Variants in RICTOR observed in about 807,000 individuals in gnomAD.
RICTOR encodes the protein RPTOR independent companion of MTOR complex 2, also known as rapamycin-insensitive companion of mTOR.
RICTOR carries 49 observed loss-of-function variants against 214.9 expected under a neutral mutation model. The ratio of observed to expected loss-of-function variants is 0.23; its 90% CI spans 0.18 to 0.29. RICTOR has a LOEUF of 0.29. Ranked by LOEUF, RICTOR falls within the 10% of genes least tolerant of loss-of-function variation. The pLI, the probability that RICTOR is intolerant of heterozygous loss-of-function variation, is 1.00. For synonymous variants in RICTOR, 717 were observed against 711.3 expected, an observed-to-expected ratio of 1.01 and a Z score of -0.13; for missense variants, 1,625 against 2,047.0, an observed-to-expected ratio of 0.79 and a Z score of 3.98.
chr5:38,965,849 A>T (rs1196147481), intron 15 of RICTOR, among the ~76,000 whole-genome samples: 1 of 152,168 alleles, frequency 6.6e-6, no homozygotes, highest in African/African-American at 2.4e-5. Context: ...AACAAAAAAC[A>T]TCTGCTAAAA....
Position 38,938,392 on chromosome 5 carries a change from AT to A in RICTOR, c.*3911del, listed in dbSNP as rs993886877. The stretch of plus-strand genomic sequence containing the variant: ...TATTTTTGTAACAATTACCTATAAA[AT>A]TTTTTTCACTCCCCCTCTCTGCCCC... On this transcript the variant is annotated 3_prime_UTR_variant, in exon 38 of 38. Transcript: ENST00000357387. 7 of 230,442 alleles carry A rather than the reference AT, an allele frequency of 3.0e-5. No individual in the cohort carries two copies. The highest frequency in any genetic ancestry group is 5.2e-5 in the Non-Finnish European group (6 of 116,238). The allele number at this position is 230,442 out of a possible 1,614,324, so 14.3% of individuals were successfully genotyped here. A position where few individuals can be genotyped will look rare whatever the true frequency, so the allele number is the denominator to read the frequency against.
intron 3 of RICTOR, among the ~76,000 whole-genome samples, chr5:39,013,285 C>G (rs777054946): frequency 6.6e-6 from 1 of 152,070 alleles, no homozygotes; most frequent in East Asian, 1.9e-4. Flanking sequence ...TACTATTATA[C>G]AAATCTTATT....
Position 39,051,042 on chromosome 5 carries a change from T to TACACACAC in RICTOR, c.97+23061_97+23068dup, listed in dbSNP as rs111723153. On this transcript the variant is annotated intron_variant, in intron 2 of 37. Transcript: ENST00000357387. ...CTTTCTCTCTCCCCATACATATATA[T>TACACACAC]ACACACACACACACACACACACGCA... is the stretch of plus-strand genomic sequence containing the variant. Among the ~76,000 whole-genome samples the TACACACAC allele has an allele frequency of 8.0e-3, 1,165 of 145,740 alleles. 11 individuals are homozygous for TACACACAC. Among genetic ancestry groups the TACACACAC allele is most frequent in the South Asian group, 0.023 (101 of 4,468 alleles).
At chr5:38,972,465 T>C (rs1750866048) in intron 10 of RICTOR, among the ~76,000 whole-genome samples, 1 of 152,220 alleles carries the variant, frequency 6.6e-6, no homozygotes, top group African/African-American at 2.4e-5. Context: ...ATTAAAATCA[T>C]GTCACAAAAG....
Position 38,996,846 on chromosome 5 carries a change from C to T in RICTOR, c.429G>A (p.Arg143=). The change falls in exon 6 of 38, where the codon AGG becomes AGA. Residue 143 remains arginine (R), a synonymous_variant. Transcript: ENST00000357387. ...TTCTGACTAATCGAAGTGCTTGTGTCCTCTCTACCTCGTTGCTCTGTTGTA... is the reference window on the plus strand; with the variant it reads ...TTCTGACTAATCGAAGTGCTTGTGTTCTCTCTACCTCGTTGCTCTGTTGTA... ...IDIQQSNEVE[R]TQALRLVRKM... 6.2e-7 allele frequency: 1 copy of T among 1,611,082 alleles called. No homozygotes were observed. Among genetic ancestry groups the T allele is most frequent in the Non-Finnish European group, 8.5e-7 (1 of 1,177,550 alleles).
chr5:39,072,666 T>A (rs1416979212), intron 2 of RICTOR, among the ~76,000 whole-genome samples: 1 of 152,210 alleles, frequency 6.6e-6, no homozygotes, highest in Non-Finnish European at 1.5e-5. Context: ...ACATGTGTGT[T>A]ATAGTCAAGT....
At chr5:38,962,241 T>C (rs561995879) in intron 19 of RICTOR, 74 bp downstream of exon 19, 3 of 602,394 alleles carry the variant, frequency 5.0e-6, no homozygotes, top group Admixed American at 2.9e-5. Context: ...AATTATTACA[T>C]ATTTTAGCAG....
intron 19 of RICTOR, among the ~76,000 whole-genome samples, chr5:38,961,334 C>A (rs190820146): frequency 6.6e-6 from 1 of 152,068 alleles, no homozygotes; most frequent in Non-Finnish European, 1.5e-5. Context: ...TGTCCCATGG[C>A]TCAATAATGT....
intron 27 of RICTOR, among the ~76,000 whole-genome samples, chr5:38,953,979 A>G (rs894892186): frequency 6.6e-6 from 1 of 151,952 alleles, no homozygotes; most frequent in Non-Finnish European, 1.5e-5. Flanking sequence ...GTAAGTAGTA[A>G]CACTGAGAAA....
intron 2 of RICTOR, among the ~76,000 whole-genome samples, chr5:39,061,886 T>G (rs1022570951): frequency 6.6e-6 from 1 of 151,964 alleles, no homozygotes; most frequent in African/African-American, 2.4e-5. Context: ...CAAAACAATG[T>G]TGAAATATGA....
chr5:39,073,743 C>T (rs891126600), intron 2 of RICTOR, among the ~76,000 whole-genome samples: 3 of 152,164 alleles, frequency 2.0e-5, no homozygotes, highest in African/African-American at 4.8e-5. Flanking sequence ...TAAATAACAG[C>T]CTCTACCTCC....
At chr5:39,072,648 G>C (rs1434173669) in intron 2 of RICTOR, among the ~76,000 whole-genome samples, 1 of 152,044 alleles carries the variant, frequency 6.6e-6, no homozygotes. Context: ...ATTTTATATA[G>C]ATTTTTCACA....
intron 34 of RICTOR, 88 bp from the exon 35 acceptor site, chr5:38,945,156 A>C (rs1424315882): frequency 8.5e-6 from 8 of 945,108 alleles, no homozygotes; most frequent in Non-Finnish European, 1.1e-5. Context: ...AATAATATAA[A>C]ATAACATCTT....
At chr5:39,069,508 C>A (rs1460947423) in intron 2 of RICTOR, among the ~76,000 whole-genome samples, 1 of 152,112 alleles carries the variant, frequency 6.6e-6, no homozygotes, top group Non-Finnish European at 1.5e-5. Flanking sequence ...ACGCTTTATT[C>A]TTTGAATCAG....
Position 38,975,577 on chromosome 5 carries a change from G to A in RICTOR, c.849C>T (p.Ala283=), listed in dbSNP as rs1211252545. 1 of 1,613,744 alleles carries A rather than the reference G, an allele frequency of 6.2e-7. No homozygotes were observed. Among genetic ancestry groups the A allele is most frequent in the East Asian group, 2.2e-5 (1 of 44,850 alleles). ...ATGTTGCTATGATTCCCATTTTACT[G>A]GCTAGAAATCGTGCTTCTCTGTCTT... ...LKEDREARFL[A]SKMGIIATFR... The change falls in exon 10 of 38, where the codon GCC becomes GCT. Residue 283 remains alanine, a synonymous_variant. Coordinates refer to ENST00000357387, the MANE Select transcript of RICTOR (RefSeq NM_152756.5).
At chr5:38,997,637 A>T (rs1382978763) in intron 5 of RICTOR, among the ~76,000 whole-genome samples, 2 of 152,130 alleles carry the variant, frequency 1.3e-5, no homozygotes, top group South Asian at 4.1e-4. Flanking sequence ...TCTTCCCAAA[A>T]ACAACCAAGA....
chr5:38,982,070 G>A (rs199577548), intron 7 of RICTOR, 34 bp from the exon 8 acceptor site: 154 of 1,491,566 alleles, frequency 1.0e-4, no homozygotes, highest in Non-Finnish European at 1.4e-4. Flanking sequence ...TTATATTTGG[G>A]GTAATTATTA....
rs564613984 is a variant in RICTOR at position 39,073,362 on chromosome 5, T to C, written c.97+749A>G. Reference sequence around the variant, plus strand: ...TGTAAGTGATAGAGGAAACACTGGCTAGTAACGGGATTAGGTCATTAAAAA... The same window carrying C: ...TGTAAGTGATAGAGGAAACACTGGCCAGTAACGGGATTAGGTCATTAAAAA... On this transcript the variant is annotated intron_variant, in intron 2 of 37. Coordinates refer to ENST00000357387, the MANE Select transcript of RICTOR (RefSeq NM_152756.5). 1.6e-4 allele frequency among the ~76,000 whole-genome samples: 24 copies of C among 152,268 alleles called. No individual in the cohort carries two copies. In the South Asian group the frequency reaches 4.8e-3, roughly 30 times the overall value.
chr5:38,974,961 C>T (rs899385891), intron 10 of RICTOR, among the ~76,000 whole-genome samples: 1 of 152,192 alleles, frequency 6.6e-6, no homozygotes, highest in Non-Finnish European at 1.5e-5. Context: ...ATCATTAATA[C>T]ATTGGGTACA....
Sources: allele counts gnomAD v4.1 joint callset (sites outside exome capture counted in the v4.1 genomes callset), GRCh38; gene constraint gnomAD v4.1.1; transcripts MANE v1.5; gene names NCBI Gene and HGNC (gene_info 2026-07-23, HGNC 2026-07-21).